The following PTPRN2 variants were observed in gnomAD, a reference collection of about 807,000 sequenced individuals.
The protein encoded by PTPRN2 is receptor-type tyrosine-protein phosphatase N2.
In PTPRN2, 74 loss-of-function variants were observed where a neutral mutation model predicts 118.8. The ratio of observed to expected loss-of-function variants is 0.62; its 90% CI spans 0.52 to 0.76. The LOEUF is 0.76. PTPRN2 is among the 30% of genes least tolerant of loss of function. The pLI is 0.00. For synonymous variants in PTPRN2, 641 were observed against 608.0 expected, an observed-to-expected ratio of 1.05 and a Z score of -0.80; for missense variants, 1,481 against 1,394.4, an observed-to-expected ratio of 1.06 and a Z score of -0.99.
At chr7:157,605,884 C>T (rs979339208) in intron 15 of PTPRN2, among the ~76,000 whole-genome samples, 16 of 152,394 alleles carry the variant, frequency 1.0e-4, no homozygotes, top group South Asian at 8.3e-4. Flanking sequence ...ATCCACAGGA[C>T]TTGCAGCCCA....
intron 2 of PTPRN2, among the ~76,000 whole-genome samples, chr7:158,447,858 C>T (rs527490447): frequency 1.3e-5 from 2 of 152,356 alleles, no homozygotes; most frequent in Admixed American, 1.3e-4. Context: ...CACAAAGGGG[C>T]CTCAGAGGGT....
chr7:158,304,909 T>C (rs1475520350), intron 3 of PTPRN2, among the ~76,000 whole-genome samples: 3 of 152,250 alleles, frequency 2.0e-5, no homozygotes, highest in Non-Finnish European at 4.4e-5. Flanking sequence ...CTACAGAATG[T>C]AGACATTTCC....
At chr7:158,486,780 C>T (rs2335165) in intron 2 of PTPRN2, among the ~76,000 whole-genome samples, 29,322 of 152,070 alleles carry the variant, frequency 0.19, 3,291 homozygotes, top group East Asian at 0.41. Context: ...GTAAAATATA[C>T]GTCACATTAA....
intron 15 of PTPRN2, among the ~76,000 whole-genome samples, chr7:157,614,253 A>G (rs1802609095): frequency 6.6e-6 from 1 of 151,988 alleles, no homozygotes; most frequent in Non-Finnish European, 1.5e-5. Flanking sequence ...TCATGTTCCT[A>G]CAGCATCGTG....
intron 12 of PTPRN2, among the ~76,000 whole-genome samples, chr7:157,731,099 A>C (rs1029445330): frequency 6.6e-6 from 1 of 152,114 alleles, no homozygotes; most frequent in Non-Finnish European, 1.5e-5. Flanking sequence ...CAGCCTTAGG[A>C]CAGCAGGCTC....
At chr7:157,981,521 C>A (rs1287680658) in intron 11 of PTPRN2, among the ~76,000 whole-genome samples, 1 of 152,194 alleles carries the variant, frequency 6.6e-6, no homozygotes, top group Non-Finnish European at 1.5e-5. Context: ...ACAATAGTTT[C>A]TTTCCTGTTT....
intron 2 of PTPRN2, among the ~76,000 whole-genome samples, chr7:158,359,870 C>A (rs1033126634): frequency 6.6e-6 from 1 of 152,088 alleles, no homozygotes; most frequent in Non-Finnish European, 1.5e-5. Flanking sequence ...ATATACAGCA[C>A]CTTAGCTTGG....
intron 2 of PTPRN2, among the ~76,000 whole-genome samples, chr7:158,359,715 T>G (rs1004045155): frequency 3.9e-5 from 6 of 152,228 alleles, no homozygotes; most frequent in South Asian, 2.1e-4. Context: ...AGCAGTAATG[T>G]ACACGTGGTG....
At chr7:158,404,501 A>AC (rs777777270) in intron 2 of PTPRN2, among the ~76,000 whole-genome samples, 83 of 152,274 alleles carry the variant, frequency 5.5e-4, no homozygotes, top group Admixed American at 2.4e-3. Context: ...ACCCGTGAGG[A>AC]CGGGGGCTCC....
At chr7:158,130,908 G>A (rs199963679) in intron 9 of PTPRN2, among the ~76,000 whole-genome samples, 4 of 58,086 alleles carry the variant, frequency 6.9e-5, no homozygotes, top group Admixed American at 5.6e-4. Flanking sequence ...CACATCTACC[G>A]ACACACACAC....
chr7:157,654,559 A>T (rs1009242664), intron 14 of PTPRN2, among the ~76,000 whole-genome samples: 25 of 152,122 alleles, frequency 1.6e-4, no homozygotes, highest in Non-Finnish European at 5.9e-5. Context: ...ACGCGTTCCG[A>T]AACAGGACCC....
chr7:158,001,641 C>T (rs1157095248), intron 11 of PTPRN2, among the ~76,000 whole-genome samples: 2 of 152,102 alleles, frequency 1.3e-5, no homozygotes, highest in Non-Finnish European at 2.9e-5. Flanking sequence ...GGTAAAACGG[C>T]CGAAAACCAT....
chr7:157,853,129 T>C (rs1560960), intron 12 of PTPRN2, among the ~76,000 whole-genome samples: 67,914 of 151,944 alleles, frequency 0.45, 15,606 homozygotes, highest in East Asian at 0.54. Flanking sequence ...CTCACACGGA[T>C]GCGATGTGTG....
Position 157,576,819 on chromosome 7 carries a change from T to C in PTPRN2, c.2617-40A>G, listed in dbSNP as rs1192540461. ...CGGAGGGAGGGGACAGAGACAGGTG[T>C]GGACATTGTGAACCGAACCTCAGGC... On this transcript the variant is annotated intron_variant, in intron 18 of 22. Coordinates refer to ENST00000389418, the MANE Select transcript of PTPRN2 (RefSeq NM_002847.5). The C allele has an allele frequency of 3.3e-6, 5 of 1,530,070 alleles. No individual in the cohort carries two copies. The South Asian group carries it at 3.6e-5, about 11-fold the overall frequency. 94.8% of individuals were successfully genotyped at this position (1,530,070 alleles called of 1,614,324 possible). A position where few individuals can be genotyped will look rare whatever the true frequency, so the allele number is the denominator to read the frequency against.
chr7:158,275,645 G>A (rs58208877), intron 3 of PTPRN2, among the ~76,000 whole-genome samples: 2,113 of 152,280 alleles, frequency 0.014, 48 homozygotes, highest in African/African-American at 0.048. Context: ...CTAATTGCAC[G>A]TAATCGCAAG....
rs201446577 is a variant in PTPRN2, at chr7:157,844,852, G to C, written c.1788+53821C>G. 2.0e-5 allele frequency among the ~76,000 whole-genome samples: 3 copies of C among 152,354 alleles called. No homozygotes were observed. In the East Asian group the frequency reaches 5.8e-4, roughly 29 times the overall value. On this transcript the variant is annotated intron_variant, in intron 12 of 22. Transcript: ENST00000389418. Reference sequence around the variant, plus strand: ...CATCTGTGGTGTTCTGTCTACCGCAGAGTCCTGTGAGCCTCCGGGTGCTCG... The same window carrying C: ...CATCTGTGGTGTTCTGTCTACCGCACAGTCCTGTGAGCCTCCGGGTGCTCG...
intron 3 of PTPRN2, among the ~76,000 whole-genome samples, chr7:158,258,626 G>A (rs1230877456): frequency 1.3e-5 from 2 of 152,292 alleles, no homozygotes; most frequent in East Asian, 3.9e-4. Context: ...CACAGCTTTG[G>A]GGGAGATTTC....
chr7:158,152,184 A>AAAAAAAC (rs1222974180), intron 6 of PTPRN2, among the ~76,000 whole-genome samples: 1 of 150,578 alleles, frequency 6.6e-6, no homozygotes, highest in East Asian at 1.9e-4. Flanking sequence ...AAAAAAAAAA[A>AAAAAAAC]AAAAAAACCA....
intron 11 of PTPRN2, among the ~76,000 whole-genome samples, chr7:158,070,877 CATG>C (rs1237709799): frequency 9.0e-6 from 1 of 110,584 alleles, no homozygotes; most frequent in Non-Finnish European, 1.7e-5. Flanking sequence ...TGGTGGTGCC[CATG>C]GTGGTGGAGG....
Sources: allele counts gnomAD v4.1 joint callset (sites outside exome capture counted in the v4.1 genomes callset), GRCh38; gene constraint gnomAD v4.1.1; transcripts MANE v1.5; gene names NCBI Gene and HGNC (gene_info 2026-07-23, HGNC 2026-07-21).